Variants in TEK observed in about 807,000 individuals in gnomAD.
TEK encodes the protein TEK receptor tyrosine kinase, also known as angiopoietin-1 receptor.
A neutral mutation model predicts 131.8 loss-of-function variants in TEK; 43 were observed. The observed-to-expected ratio is 0.33, with a 90% CI of 0.26 to 0.42. The LOEUF (loss-of-function observed/expected upper bound fraction) is 0.42, where lower values mean the gene tolerates loss of function less well. Ranked by LOEUF, TEK falls within the 10% of genes least tolerant of loss-of-function variation. The pLI is 1.00. For missense variants in TEK, 1,162 were observed against 1,384.4 expected, an observed-to-expected ratio of 0.84 and a Z score of 2.55; for synonymous variants, 580 against 491.6, an observed-to-expected ratio of 1.18 and a Z score of -2.38.
chr9:27,154,765 G>C (rs762346348), intron 1 of TEK, among the ~76,000 whole-genome samples: 1 of 152,184 alleles, frequency 6.6e-6, no homozygotes, highest in Non-Finnish European at 1.5e-5. Context: ...GTACTGGCTG[G>C]TGGAAGAGGT....
intron 21 of TEK, among the ~76,000 whole-genome samples, chr9:27,224,286 A>T (rs1354113661): frequency 1.3e-5 from 2 of 152,192 alleles, no homozygotes; most frequent in Non-Finnish European, 2.9e-5. Context: ...CTGTTACCCA[A>T]ACCTGGCAGA....
chr9:27,211,191 A>ATGTATATATATTCATATATATG (rs1554701094), intron 16 of TEK, among the ~76,000 whole-genome samples: 18 of 143,334 alleles, frequency 1.3e-4, no homozygotes, highest in Admixed American at 1.2e-3. Flanking sequence ...ATATGAATAT[A>ATGTATATATATTCATATATATG]TGTATATATA....
chr9:27,207,932 GT>G (rs1825456211), intron 15 of TEK, among the ~76,000 whole-genome samples: 1 of 152,132 alleles, frequency 6.6e-6, no homozygotes, highest in African/African-American at 2.4e-5. Flanking sequence ...TCCCTTTTCT[GT>G]TTTGCTACTT....
At chr9:27,221,665 A>G (rs1343732855) in intron 21 of TEK, among the ~76,000 whole-genome samples, 1 of 152,200 alleles carries the variant, frequency 6.6e-6, no homozygotes, top group Non-Finnish European at 1.5e-5. Flanking sequence ...GACCTTCAGC[A>G]CAGGGGCCTG....
At chr9:27,190,409 G>T in intron 9 of TEK, 120 bp from the exon 10 acceptor site, 1 of 1,225,638 alleles carries the variant, frequency 8.2e-7, no homozygotes, top group Admixed American at 1.9e-5. Flanking sequence ...CACTGAGTCT[G>T]AGCAGAAAAC....
chr9:27,199,809 C>A (rs1013523257), intron 12 of TEK, among the ~76,000 whole-genome samples: 1 of 152,128 alleles, frequency 6.6e-6, no homozygotes, highest in African/African-American at 2.4e-5. Flanking sequence ...TTCTCCTAAT[C>A]CCTTTATTGT....
chr9:27,193,491 T>C (rs765479463), intron 11 of TEK, among the ~76,000 whole-genome samples: 11 of 152,176 alleles, frequency 7.2e-5, no homozygotes, highest in Non-Finnish European at 1.5e-4. Flanking sequence ...GGCCTTCTAT[T>C]GCGTTAATTA....
rs536468648 is a variant in TEK, at chr9:27,146,070, C to T, written c.53-11761C>T. 9.2e-5 allele frequency among the ~76,000 whole-genome samples: 14 copies of T among 152,256 alleles called. No individual in the cohort carries two copies. The South Asian group carries it at 2.9e-3, about 32-fold the overall frequency. ...GCTTAGATGTCATCGTACTGTTCTA[C>T]ATCTTGTTTTCTTCACTTTATATTT... On this transcript the variant is annotated intron_variant, in intron 1 of 22. Coordinates refer to ENST00000380036, the MANE Select transcript of TEK (RefSeq NM_000459.5).
At chr9:27,160,209 A>G (rs1018639182) in intron 2 of TEK, among the ~76,000 whole-genome samples, 1 of 151,512 alleles carries the variant, frequency 6.6e-6, no homozygotes, top group African/African-American at 2.4e-5. Context: ...TTTTTCATAG[A>G]TATGGGGGTC....
intron 1 of TEK, among the ~76,000 whole-genome samples, chr9:27,154,876 T>C (rs1369369040): frequency 6.6e-6 from 1 of 152,190 alleles, no homozygotes; most frequent in East Asian, 1.9e-4. Context: ...TAAAGGGAGA[T>C]CTCTGAAAGG....
At position 27,168,690 on chromosome 9, in the gene TEK, T is replaced by A. The variant is rs1384815332; in HGVS notation, c.475+85T>A. On this transcript the variant is annotated intron_variant, in intron 3 of 22. Transcript: ENST00000380036. The stretch of plus-strand genomic sequence containing the variant: ...ATATTGAATCATTTTCCTATTGTGG[T>A]CTTGTGGGCAGATGTTTGAATTAAA... 82 of 1,066,768 alleles carry A rather than the reference T, an allele frequency of 7.7e-5. 1 individual carries two copies. The highest frequency in any genetic ancestry group is 1.1e-4 in the Non-Finnish European group (76 of 706,838). 66.1% of individuals were successfully genotyped at this position (1,066,768 alleles called of 1,614,324 possible).
intron 14 of TEK, among the ~76,000 whole-genome samples, chr9:27,206,279 A>C (rs1825397235): frequency 6.6e-6 from 1 of 152,174 alleles, no homozygotes; most frequent in African/African-American, 2.4e-5. Context: ...GAACTCACGT[A>C]CAACTAACGC....
In TEK at chr9:27,173,316, T is replaced by C. The variant is rs1824035651; in HGVS notation, c.855T>C (p.Tyr285=). ...KSYVFCLPDP[Y]GCSCATGWKG... ...ATGTGTTCTGTCTCCCTGACCCCTA[T>C]GGGTGTTCCTGTGCCACAGGCTGGA... is the stretch of plus-strand genomic sequence containing the variant. Residue 285 remains tyrosine (Y), a synonymous_variant, in exon 6 of 23, where the codon TAT becomes TAC. Transcript: ENST00000380036. 6.2e-7 allele frequency: 1 copy of C among 1,614,068 alleles called. No individual in the cohort carries two copies. Among genetic ancestry groups the C allele is most frequent in the Non-Finnish European group, 8.5e-7 (1 of 1,179,942 alleles).
chr9:27,192,007 A>G (rs1824840697), intron 10 of TEK: 1 of 450,690 alleles, frequency 2.2e-6, no homozygotes, highest in Admixed American at 2.4e-5. Context: ...TATGGGTGCT[A>G]TTTTCAAGGA....
At position 27,158,063 on chromosome 9, in the gene TEK, G is replaced by C; in HGVS notation, c.285G>C (p.Lys95Asn). The C allele has an allele frequency of 6.2e-7, 1 of 1,614,148 alleles. No homozygotes were observed. The highest frequency in any genetic ancestry group is 8.5e-7 in the Non-Finnish European group (1 of 1,180,028). Residue 95 changes from lysine to asparagine, a missense_variant, in exon 2 of 23, where the codon AAG becomes AAC. Around this residue, in one of 6 missense-constraint regions of TEK, gnomAD observed 436 missense variants for 539.1 expected, o/e 0.81. Transcript: ENST00000380036. The part of the protein sequence containing the change: ...KVVWKREKAS[K>N]INGAYFCEGR... The stretch of plus-strand genomic sequence containing the variant: ...TTTGGAAGAGAGAAAAGGCTAGTAA[G>C]ATCAATGGTGCTTATTTCTGTGAAG...
At chr9:27,152,790 T>A (rs1272876964) in intron 1 of TEK, among the ~76,000 whole-genome samples, 2 of 152,170 alleles carry the variant, frequency 1.3e-5, no homozygotes, top group Non-Finnish European at 1.5e-5. Context: ...TCTAATGTAA[T>A]TAAATTCTAT....
intron 1 of TEK, among the ~76,000 whole-genome samples, chr9:27,147,922 T>C (rs888894825): frequency 6.6e-6 from 1 of 152,232 alleles, no homozygotes; most frequent in African/African-American, 2.4e-5. Flanking sequence ...CCACCTAAAT[T>C]TCAGTCTCAG....
intron 12 of TEK, among the ~76,000 whole-genome samples, chr9:27,201,829 G>A (rs1224877283): frequency 6.6e-6 from 1 of 152,128 alleles, no homozygotes; most frequent in Non-Finnish European, 1.5e-5. Flanking sequence ...CGCCTACTGG[G>A]ACAAGTACAA....
rs192042051 is a variant in TEK, at chr9:27,123,506, G to A, written c.52+13864G>A. 9.8e-4 allele frequency among the ~76,000 whole-genome samples: 149 copies of A among 152,292 alleles called. 1 individual carries two copies. Among genetic ancestry groups the A allele is most frequent in the African/African-American group, 3.5e-3 (144 of 41,544 alleles). On this transcript the variant is annotated intron_variant, in intron 1 of 22. Transcript: ENST00000380036. ...GTAGGTATTTTCATGGAGAGGCCAC[G>A]CACAGTTACCTGGAGTAACAGAATA...
Sources: allele counts gnomAD v4.1 joint callset (sites outside exome capture counted in the v4.1 genomes callset), GRCh38; gene constraint gnomAD v4.1.1; regional missense constraint gnomAD v4.1.1; transcripts MANE v1.5; gene names NCBI Gene and HGNC (gene_info 2026-07-23, HGNC 2026-07-21).